The following NBPF8 variants were observed in gnomAD, a reference collection of about 807,000 sequenced individuals.
The protein encoded by NBPF8 is NBPF member 8, also known as NBPF family member NBPF8.
At chr1:120,450,991 T>C in intron 11 of NBPF8, among the ~76,000 whole-genome samples, 189 bp from the exon 10 acceptor site, 1 of 150,388 alleles carries the variant, frequency 6.6e-6, no homozygotes, top group East Asian at 2.0e-4. Flanking sequence ...TTTCTTCATC[T>C]CTAAATTTTG....
At chr1:120,456,130 C>G (rs1346181514) in intron 16 of NBPF8, among the ~76,000 whole-genome samples, 4 of 151,182 alleles carry the variant, frequency 2.6e-5, no homozygotes, top group African/African-American at 7.3e-5. Flanking sequence ...TGTGGTCTGA[C>G]AGTTTGTTGT....
At chr1:120,449,848 T>G (rs1256716370) in intron 11 of NBPF8, among the ~76,000 whole-genome samples, 2 of 152,160 alleles carry the variant, frequency 1.3e-5, no homozygotes, top group African/African-American at 2.4e-5. Flanking sequence ...GGAAACTTGG[T>G]GATAGTAGCC....
upstream of NBPF8, among the ~76,000 whole-genome samples, chr1:120,435,954 A>G (rs1661062322): frequency 6.6e-6 from 1 of 151,978 alleles, no homozygotes; most frequent in South Asian, 2.1e-4. Context: ...AGAAAATATA[A>G]CCTGTTGGGA....
chr1:120,423,142 T>G (rs1660618434), intron 1 of NBPF8, among the ~76,000 whole-genome samples: 1 of 137,388 alleles, frequency 7.3e-6, no homozygotes, highest in Non-Finnish European at 1.5e-5. Context: ...AGGCTCAACT[T>G]AATTTTTTTT....
At chr1:120,431,434 C>T (rs1159543371), upstream of NBPF8, among the ~76,000 whole-genome samples, 6 of 126,542 alleles carry the variant, frequency 4.7e-5, no homozygotes, top group Non-Finnish European at 3.3e-5. Flanking sequence ...ATATATATTG[C>T]AATCTGATAA....
At chr1:120,420,394 C>A (rs1456265267) in intron 1 of NBPF8, among the ~76,000 whole-genome samples, 1 of 134,360 alleles carries the variant, frequency 7.4e-6, no homozygotes, top group Non-Finnish European at 1.6e-5. Flanking sequence ...GATCTACATC[C>A]CACTCCTTGC....
At chr1:120,450,825 C>G (rs1186247818) in intron 11 of NBPF8, among the ~76,000 whole-genome samples, 1 of 152,074 alleles carries the variant, frequency 6.6e-6, no homozygotes, top group Non-Finnish European at 1.5e-5. Context: ...GAAATCACTA[C>G]TTCATGCCCC....
At chr1:120,466,119 A>G in exon 25 of NBPF8, 1 of 1,610,970 alleles carries the variant, frequency 6.2e-7, no homozygotes, top group Non-Finnish European at 8.5e-7. Flanking sequence ...CATTTGAGGA[A>G]CAGCACATCA....
At chr1:120,449,886 A>G (rs1161268791) in intron 11 of NBPF8, among the ~76,000 whole-genome samples, 2 of 152,150 alleles carry the variant, frequency 1.3e-5, no homozygotes, top group Non-Finnish European at 2.9e-5. Flanking sequence ...CTTCAAGAGG[A>G]GTCTATTCCT....
intron 11 of NBPF8, among the ~76,000 whole-genome samples, chr1:120,449,633 T>G (rs1295261993): frequency 3.3e-5 from 5 of 152,300 alleles, no homozygotes; most frequent in Non-Finnish European, 2.9e-5. Flanking sequence ...AAACTGCCAT[T>G]TATTGATTTC....
intron 1 of NBPF8, among the ~76,000 whole-genome samples, 134 bp downstream of exon 2, chr1:120,420,252 T>G (rs1177807700): frequency 1.3e-5 from 2 of 152,080 alleles, no homozygotes; most frequent in South Asian, 4.1e-4. Flanking sequence ...GATACTGAAT[T>G]AATATTTGTT....
intron 3 of NBPF8, among the ~76,000 whole-genome samples, chr1:120,428,175 A>T (rs664960): frequency 6.6e-6 from 1 of 151,402 alleles, no homozygotes; most frequent in South Asian, 2.1e-4. Flanking sequence ...ATGTACATAG[A>T]AAATGAGCAA....
At chr1:120,457,736 A>AATATATAT (rs1413536025) in intron 16 of NBPF8, among the ~76,000 whole-genome samples, 2 of 53,754 alleles carry the variant, frequency 3.7e-5, no homozygotes, top group Non-Finnish European at 6.4e-5. Flanking sequence ...TTAAAAAAAA[A>AATATATAT]ATATATATAT....
upstream of NBPF8, among the ~76,000 whole-genome samples, chr1:120,415,492 G>A (rs1371497955): frequency 6.6e-6 from 1 of 152,176 alleles, no homozygotes; most frequent in African/African-American, 2.4e-5. Flanking sequence ...TCTCTTGGGC[G>A]CTGGGGAAGA....
At chr1:120,468,932 C>T (rs1446406712), downstream of NBPF8, among the ~76,000 whole-genome samples, 1 of 151,956 alleles carries the variant, frequency 6.6e-6, no homozygotes, top group East Asian at 1.9e-4. Flanking sequence ...GTTCCCTAGC[C>T]CTGGTGTTTA....
In NBPF8 at chr1:120,465,774, GTCTC is replaced by G. The variant is rs1271555140; in HGVS notation, n.3569-194_3569-191del. 4.7e-5 allele frequency among the ~76,000 whole-genome samples: 7 copies of G among 149,272 alleles called. No individual in the cohort carries two copies. The South Asian group carries it at 1.1e-3, about 23-fold the overall frequency. ...TCACTTTCTCTCTGTCTCTGTCTCT[GTCTC>G]TCTCTCTCTGTCTTTCTCTTTCATT... On this transcript the variant is annotated intron_variant and non_coding_transcript_variant, in intron 24 of 24. Coordinates refer to ENST00000583271, the Ensembl canonical transcript of NBPF8.
chr1:120,460,976 C>T (rs1190980751), intron 18 of NBPF8, among the ~76,000 whole-genome samples: 1 of 149,600 alleles, frequency 6.7e-6, no homozygotes, highest in Non-Finnish European at 1.5e-5. Flanking sequence ...CCTTTGACTC[C>T]CTCATCAGTG....
At chr1:120,429,923 CTG>C (rs1256440949) in intron 3 of NBPF8, among the ~76,000 whole-genome samples, 1 of 151,088 alleles carries the variant, frequency 6.6e-6, no homozygotes, top group African/African-American at 2.4e-5. Flanking sequence ...AAGAGAAAAA[CTG>C]TATGATTACC....
intron 3 of NBPF8, among the ~76,000 whole-genome samples, 186 bp downstream of exon 3, chr1:120,428,033 T>C (rs1402137475): frequency 6.6e-6 from 1 of 152,270 alleles, no homozygotes; most frequent in Non-Finnish European, 1.5e-5. Context: ...AATAATTTTA[T>C]GGGCATTCTT....
Sources: allele counts gnomAD v4.1 joint callset (sites outside exome capture counted in the v4.1 genomes callset), GRCh38; gene constraint gnomAD v4.1.1; transcripts MANE v1.5; gene names NCBI Gene and HGNC (gene_info 2026-07-23, HGNC 2026-07-21).